SCOC: variants seen among roughly 807,000 people sequenced by gnomAD.
SCOC encodes the protein short coiled coil protein.
SCOC carries 7 observed loss-of-function variants against 9.9 expected under a neutral mutation model. That is an observed-to-expected ratio of 0.71 (90% CI 0.40 to 1.33). The LOEUF (loss-of-function observed/expected upper bound fraction) is 1.33. Ranked by LOEUF, SCOC falls within the 40% of genes most tolerant of loss-of-function variation. The pLI, the probability that SCOC is intolerant of heterozygous loss-of-function variation, is 0.01. For synonymous variants in SCOC, 19 were observed against 28.2 expected, an observed-to-expected ratio of 0.67 and a Z score of 1.03; for missense variants, 66 against 89.7, an observed-to-expected ratio of 0.74 and a Z score of 1.07.
In SCOC at chr4:140,317,301, G is replaced by A. The variant is rs1578803146; in HGVS notation, c.-18-26320G>A. On this transcript the variant is annotated intron_variant, in intron 1 of 4. Coordinates refer to the SCOC transcript ENST00000394205. The stretch of plus-strand genomic sequence containing the variant: ...AAGTAAAAACTAAAAGGCAGAAATG[G>A]AATCTACAGGCAGATAGCACAGCAC... Among the ~76,000 whole-genome samples, 3 of 152,286 alleles carry A rather than the reference G, an allele frequency of 2.0e-5. No homozygotes were observed. The East Asian group carries it at 5.8e-4, about 29-fold the overall frequency.
chr4:140,298,342 A>G lies in SCOC; in HGVS notation c.-19+40932A>G, dbSNP rs557042663. On this transcript the variant is annotated intron_variant, in intron 1 of 4. Transcript: ENST00000394205. ...CAGAAATCTCCAAGAGACTGTCCAA[A>G]AGCCTTTCTTATTTCTTTGCCACTC... Among the ~76,000 whole-genome samples, 6 of 152,280 alleles carry G rather than the reference A, an allele frequency of 3.9e-5. No individual in the cohort carries two copies. In the East Asian group the frequency reaches 7.7e-4, roughly 20 times the overall value.
intron 2 of SCOC, among the ~76,000 whole-genome samples, chr4:140,365,229 G>A (rs1727740040): frequency 6.7e-6 from 1 of 149,330 alleles, no homozygotes; most frequent in African/African-American, 2.5e-5. Flanking sequence ...TTGGAGAAAT[G>A]TAAGAGCTAA....
In SCOC at chr4:140,285,323, G is replaced by T; in HGVS notation, c.-19+27913G>T. On this transcript the variant is annotated intron_variant, in intron 1 of 4. Transcript: ENST00000394205. ...TTTAGATGATAGGAGGAAAATTGTG[G>T]TAGAGCATATCTTTGTCACAAACAG... 3 of 455,952 alleles carry T rather than the reference G, an allele frequency of 6.6e-6. No homozygotes were observed. The Admixed American group carries it at 7.1e-5, about 11-fold the overall frequency. 28.2% of individuals were successfully genotyped at this position (455,952 alleles called of 1,614,324 possible). A position where few individuals can be genotyped will look rare whatever the true frequency, so the allele number is the denominator to read the frequency against.
At chr4:140,375,022 T>C (rs1728277504) in intron 1 of SCOC, among the ~76,000 whole-genome samples, 1 of 152,188 alleles carries the variant, frequency 6.6e-6, no homozygotes, top group Admixed American at 6.5e-5. Flanking sequence ...TGCAGAAAAG[T>C]TGAGTGGCTG....
At chr4:140,372,641 G>C (rs932163077), upstream of SCOC, among the ~76,000 whole-genome samples, 10 of 152,126 alleles carry the variant, frequency 6.6e-5, no homozygotes, top group South Asian at 4.1e-4. Flanking sequence ...ACACTGAATA[G>C]AAGATATTTT....
At chr4:140,275,443 G>A (rs1730958415) in intron 1 of SCOC, among the ~76,000 whole-genome samples, 1 of 152,200 alleles carries the variant, frequency 6.6e-6, no homozygotes, top group South Asian at 2.1e-4. Context: ...CATATTATCT[G>A]TAACATCCGT....
chr4:140,362,313 T>TCTTCCTCTTCCTCTTCCTCTTCCTC (rs1727594134), intron 2 of SCOC, among the ~76,000 whole-genome samples: 4 of 84,224 alleles, frequency 4.7e-5, no homozygotes, highest in East Asian at 2.9e-4. Flanking sequence ...TTTTTTTTTT[T>TCTTCCTCTTCCTCTTCCTCTTCCTC]TTGTGAGAGT....
At chr4:140,335,413 TA>T (rs1271935830) in intron 1 of SCOC, among the ~76,000 whole-genome samples, 2 of 152,256 alleles carry the variant, frequency 1.3e-5, no homozygotes, top group Non-Finnish European at 2.9e-5. Flanking sequence ...CAATAAATAC[TA>T]GCTATTGCTA....
At chr4:140,307,751 T>C (rs1048196891) in intron 1 of SCOC, among the ~76,000 whole-genome samples, 2 of 152,154 alleles carry the variant, frequency 1.3e-5, no homozygotes, top group African/African-American at 4.8e-5. Context: ...CTCACAGAAA[T>C]CCTATCTCCA....
chr4:140,323,966 T>C (rs973911044), intron 1 of SCOC, among the ~76,000 whole-genome samples: 3 of 151,730 alleles, frequency 2.0e-5, no homozygotes, highest in African/African-American at 7.3e-5. Flanking sequence ...ATGCAAAAAA[T>C]GCTCAACAAA....
intron 2 of SCOC, among the ~76,000 whole-genome samples, chr4:140,353,164 A>G (rs1727050434): frequency 6.6e-6 from 1 of 152,284 alleles, no homozygotes; most frequent in South Asian, 2.1e-4. Flanking sequence ...GCCTTCAAAG[A>G]TAGTCTGGGT....
intron 1 of SCOC, among the ~76,000 whole-genome samples, chr4:140,270,765 T>C (rs932404675): frequency 1.3e-5 from 2 of 152,198 alleles, no homozygotes; most frequent in Admixed American, 1.3e-4. Context: ...TTACTATCTC[T>C]AGGAGTTGGC....
At chr4:140,374,306 A>C (rs1728230062) in intron 1 of SCOC, 1 of 385,670 alleles carries the variant, frequency 2.6e-6, no homozygotes, top group Non-Finnish European at 5.2e-6. Context: ...AAGAGGATAC[A>C]TTCCTGAAAG....
intron 1 of SCOC, among the ~76,000 whole-genome samples, chr4:140,310,582 G>A (rs1472167530): frequency 1.3e-5 from 2 of 152,254 alleles, no homozygotes; most frequent in East Asian, 1.9e-4. Flanking sequence ...CTTCTCCCTC[G>A]TGCATTCCTG....
intron 1 of SCOC, among the ~76,000 whole-genome samples, chr4:140,326,508 A>G (rs1461354579): frequency 6.6e-6 from 1 of 152,188 alleles, no homozygotes; most frequent in African/African-American, 2.4e-5. Flanking sequence ...AAAAAAGTTC[A>G]TTTATAATTT....
intron 1 of SCOC, among the ~76,000 whole-genome samples, chr4:140,296,951 C>T (rs1731658337): frequency 6.6e-6 from 1 of 152,144 alleles, no homozygotes. Flanking sequence ...CCTGGCTTAA[C>T]TTTTCAGATT....
chr4:140,270,402 T>C (rs1294937692), intron 1 of SCOC, among the ~76,000 whole-genome samples: 3 of 152,132 alleles, frequency 2.0e-5, no homozygotes, highest in Non-Finnish European at 4.4e-5. Context: ...GACACAATCA[T>C]AGCTCACTGC....
intron 1 of SCOC, among the ~76,000 whole-genome samples, chr4:140,275,204 T>A (rs1730954939): frequency 6.6e-6 from 1 of 152,260 alleles, no homozygotes; most frequent in African/African-American, 2.4e-5. Flanking sequence ...TTTCCCTATA[T>A]ACACAGATAT....
At chr4:140,348,573 T>TACACACAC (rs1377747725) in intron 2 of SCOC, among the ~76,000 whole-genome samples, 2 of 34,748 alleles carry the variant, frequency 5.8e-5, no homozygotes, top group African/African-American at 1.5e-4. Flanking sequence ...TATGTATATA[T>TACACACAC]ATACGCACAC....
Sources: allele counts gnomAD v4.1 joint callset (sites outside exome capture counted in the v4.1 genomes callset), GRCh38; gene constraint gnomAD v4.1.1; transcripts MANE v1.5; gene names NCBI Gene and HGNC (gene_info 2026-07-23, HGNC 2026-07-21).